THSD4: variants seen among roughly 807,000 people sequenced by gnomAD.
THSD4 encodes the protein thrombospondin type-1 domain-containing protein 4.
Under a neutral mutation model 119.0 loss-of-function variants are expected in THSD4, and 69 were observed. That is an observed-to-expected ratio of 0.58 (90% confidence interval 0.48 to 0.71). The LOEUF is 0.71. Among genes scored for constraint, THSD4 ranks in the 30% least tolerant of loss-of-function variants. THSD4 has a pLI of 0.00. For missense variants in THSD4, 1,393 were observed against 1,391.1 expected, an observed-to-expected ratio of 1.00 and a Z score of -0.02; for synonymous variants, 524 against 540.4, an observed-to-expected ratio of 0.97 and a Z score of 0.42.
intron 7 of THSD4, among the ~76,000 whole-genome samples, chr15:71,554,304 C>A (rs1346308075): frequency 2.0e-5 from 3 of 151,222 alleles, no homozygotes; most frequent in Non-Finnish European, 4.4e-5. Context: ...ACCGTGTTAA[C>A]CAGGATGGTC....
chr15:71,139,867 T>A (rs2040586351), intron 1 of THSD4, among the ~76,000 whole-genome samples: 1 of 152,248 alleles, frequency 6.6e-6, no homozygotes, highest in African/African-American at 2.4e-5. Flanking sequence ...TTGCTTCATT[T>A]GTCTTTCCCT....
intron 1 of THSD4, among the ~76,000 whole-genome samples, chr15:71,120,149 A>G (rs2040396865): frequency 6.6e-6 from 1 of 152,180 alleles, no homozygotes; most frequent in Non-Finnish European, 1.5e-5. Flanking sequence ...ACAACTGTGT[A>G]TTCAAACCCA....
At chr15:71,692,471 T>G (rs963424620) in intron 8 of THSD4, among the ~76,000 whole-genome samples, 2 of 152,178 alleles carry the variant, frequency 1.3e-5, no homozygotes, top group African/African-American at 4.8e-5. Flanking sequence ...TTTTGTTTTG[T>G]TTTTTGTTTT....
intron 7 of THSD4, among the ~76,000 whole-genome samples, chr15:71,544,353 A>G (rs1200183661): frequency 6.6e-6 from 1 of 152,236 alleles, no homozygotes; most frequent in Non-Finnish European, 1.5e-5. Flanking sequence ...TTTTAGTAAT[A>G]CTGGGCTCAT....
At chr15:71,449,420 A>G (rs1275301535) in intron 7 of THSD4, among the ~76,000 whole-genome samples, 2 of 152,122 alleles carry the variant, frequency 1.3e-5, no homozygotes, top group Non-Finnish European at 2.9e-5. Context: ...GGGTTCCATC[A>G]CCTACTAACT....
At chr15:71,363,692 C>T (rs936965385) in intron 6 of THSD4, among the ~76,000 whole-genome samples, 4 of 152,238 alleles carry the variant, frequency 2.6e-5, no homozygotes, top group South Asian at 2.1e-4. Flanking sequence ...AAGGAGAGAA[C>T]GGACACATAT....
intron 8 of THSD4, among the ~76,000 whole-genome samples, chr15:71,702,917 G>T (rs8033791): frequency 0.45 from 69,000 of 151,664 alleles, 18,278 homozygotes; most frequent in Middle Eastern, 0.66. Flanking sequence ...ATTAGTGGGT[G>T]CTCAAAAAAG....
At chr15:71,551,284 G>A (rs1223280931) in intron 7 of THSD4, among the ~76,000 whole-genome samples, 1 of 152,186 alleles carries the variant, frequency 6.6e-6, no homozygotes, top group African/African-American at 2.4e-5. Context: ...GCTGAAAAAA[G>A]AAAGGTGAAA....
At chr15:71,318,573 C>G (rs960891943) in intron 6 of THSD4, among the ~76,000 whole-genome samples, 4 of 152,232 alleles carry the variant, frequency 2.6e-5, no homozygotes, top group Middle Eastern at 3.4e-3. Flanking sequence ...TGGCCACAGT[C>G]ATTGATGGTT....
At chr15:71,661,253 T>G (rs956149047) in intron 8 of THSD4, among the ~76,000 whole-genome samples, 2 of 152,186 alleles carry the variant, frequency 1.3e-5, no homozygotes, top group Non-Finnish European at 2.9e-5. Context: ...CAGCAATCAT[T>G]TTGGGCAACA....
In THSD4 at chr15:71,550,350, A is replaced by C. The variant is rs563891777; in HGVS notation, c.1153-110180A>C. 3.9e-5 allele frequency among the ~76,000 whole-genome samples: 6 copies of C among 152,358 alleles called. No individual in the cohort carries two copies. In the East Asian group the frequency reaches 1.2e-3, roughly 29 times the overall value. On this transcript the variant is annotated intron_variant, in intron 7 of 17. Transcript: ENST00000261862. ...ATGAGACATTGTTATATGTAGGGAC[A>C]GGGAGGGAGATGCAACTAGAAATCT...
intron 1 of THSD4, among the ~76,000 whole-genome samples, chr15:71,101,931 C>A (rs1187626787): frequency 6.6e-6 from 1 of 152,068 alleles, no homozygotes; most frequent in Non-Finnish European, 1.5e-5. Context: ...CCAGGGTGGT[C>A]TTGAACTCCT....
chr15:71,742,812 T>C (rs2053261903), intron 11 of THSD4, among the ~76,000 whole-genome samples: 1 of 152,132 alleles, frequency 6.6e-6, no homozygotes, highest in Non-Finnish European at 1.5e-5. Flanking sequence ...CCCAGTACTT[T>C]GGGAGGCCGA....
rs2053588785 is a variant in THSD4 at position 71,759,028 on chromosome 15, GATGGTTACAGATATT to G, written c.2589+958_2589+972del. 3.9e-5 allele frequency among the ~76,000 whole-genome samples: 6 copies of G among 152,142 alleles called. No homozygotes were observed. In the South Asian group the frequency reaches 1.2e-3, roughly 32 times the overall value. ...TCAACAGAGATGTTCATGACAGCAG[GATGGTTACAGATATT>G]ATGGCATATCATAACTCAGTAAAAT... On this transcript the variant is annotated intron_variant, in intron 15 of 17. Coordinates refer to ENST00000261862, the MANE Select transcript of THSD4 (RefSeq NM_024817.3).
chr15:71,340,493 G>A lies in THSD4; in HGVS notation c.1016-71194G>A, dbSNP rs1037954023. Among the ~76,000 whole-genome samples the A allele has an allele frequency of 2.6e-4, 40 of 152,174 alleles. 1 individual carries two copies. Among genetic ancestry groups the A allele is most frequent in the African/African-American group, 9.6e-4 (40 of 41,504 alleles). On this transcript the variant is annotated intron_variant, in intron 6 of 17. Transcript: ENST00000261862. ...AGCCAGGCCGTGTGACCCATTTTCC[G>A]CTGTGCTGGGAGCTTGCGCACCCTC...
intron 17 of THSD4, among the ~76,000 whole-genome samples, chr15:71,775,930 G>A (rs145142934): frequency 3.4e-4 from 51 of 152,208 alleles, no homozygotes; most frequent in African/African-American, 1.2e-3. Context: ...TATGATGGAG[G>A]TCATATTATG....
intron 7 of THSD4, among the ~76,000 whole-genome samples, chr15:71,607,026 A>G (rs1213364488): frequency 6.6e-5 from 10 of 152,210 alleles, no homozygotes; most frequent in Non-Finnish European, 1.5e-5. Flanking sequence ...TGGTAGGAAA[A>G]GATGGGCCAG....
At chr15:71,611,897 G>A (rs2050237185) in intron 7 of THSD4, among the ~76,000 whole-genome samples, 1 of 152,190 alleles carries the variant, frequency 6.6e-6, no homozygotes, top group Non-Finnish European at 1.5e-5. Flanking sequence ...GTGGGGAGGG[G>A]AGGATGGGAA....
intron 6 of THSD4, among the ~76,000 whole-genome samples, chr15:71,332,899 T>TTTTTTTTTTTTTTTTTTTTTTTTTTG: frequency 7.7e-6 from 1 of 130,648 alleles, no homozygotes; most frequent in Admixed American, 8.1e-5. Flanking sequence ...TACATTTTTT[T>TTTTTTTTTTTTTTTTTTTTTTTTTTG]TTTTTTTTTA....
Sources: allele counts gnomAD v4.1 joint callset (sites outside exome capture counted in the v4.1 genomes callset), GRCh38; gene constraint gnomAD v4.1.1; transcripts MANE v1.5; gene names NCBI Gene and HGNC (gene_info 2026-07-23, HGNC 2026-07-21).